Variants in EGF observed in about 807,000 individuals in gnomAD.
EGF encodes epidermal growth factor, also known as pro-epidermal growth factor.
Under a neutral mutation model 143.8 loss-of-function variants are expected in EGF, and 95 were observed. The observed-to-expected ratio is 0.66, with a 90% CI of 0.56 to 0.78. EGF has a LOEUF of 0.78. Ranked by LOEUF, EGF falls within the 30% of genes least tolerant of loss-of-function variation. The probability of loss-of-function intolerance (pLI) is 0.00; values close to 1 mark genes in which losing one functional copy is unlikely to be tolerated. For synonymous variants in EGF, 510 were observed against 510.5 expected, an observed-to-expected ratio of 1.00 and a Z score of 0.01; for missense variants, 1,320 against 1,470.9, an observed-to-expected ratio of 0.90 and a Z score of 1.68.
At chr4:109,941,737 C>T (rs934603587) in intron 2 of EGF, among the ~76,000 whole-genome samples, 3 of 152,086 alleles carry the variant, frequency 2.0e-5, no homozygotes, top group Admixed American at 6.5e-5. Context: ...GCACCTGACA[C>T]GTAGAAAGAA....
intron 7 of EGF, among the ~76,000 whole-genome samples, chr4:109,961,299 G>A (rs1330187543): frequency 6.6e-6 from 1 of 152,088 alleles, no homozygotes; most frequent in African/African-American, 2.4e-5. Context: ...AGGCTGCAGT[G>A]AGCCGAAATC....
chr4:110,002,029 C>T (rs1752634024), intron 21 of EGF: 2 of 985,306 alleles, frequency 2.0e-6, no homozygotes, highest in South Asian at 9.4e-5. Context: ...GTTGCCATGT[C>T]ATACTCAACT....
In EGF at chr4:109,971,186, CA is replaced by C. The variant is rs374160930; in HGVS notation, c.1724+2070del. Among the ~76,000 whole-genome samples the C allele has an allele frequency of 4.1e-3, 629 of 152,220 alleles. 6 individuals carry two copies. The highest frequency in any genetic ancestry group is 0.014 in the African/African-American group (594 of 41,534). Reference sequence around the variant, plus strand: ...ATTGGAACTCAAAGATGGCCATTTGCAAAGCATATTCTCTTAATAGTCATAA... The same window carrying C: ...ATTGGAACTCAAAGATGGCCATTTGCAAGCATATTCTCTTAATAGTCATAA... On this transcript the variant is annotated intron_variant, in intron 11 of 23. Transcript: ENST00000265171.
chr4:109,973,309 T>G (rs1471450793), intron 11 of EGF, among the ~76,000 whole-genome samples: 1 of 152,192 alleles, frequency 6.6e-6, no homozygotes, highest in African/African-American at 2.4e-5. Flanking sequence ...CTTTCTAAAG[T>G]GCAAGTATAA....
Position 109,995,024 on chromosome 4 carries a change from G to A in EGF, c.3005+144G>A, listed in dbSNP as rs11569087. ...ATATAAACATACACATATGAACCACGTGTGTGCACTTCATTGCATGCTCCT... is the reference window on the plus strand; with the variant it reads ...ATATAAACATACACATATGAACCACATGTGTGCACTTCATTGCATGCTCCT... On this transcript the variant is annotated intron_variant, in intron 20 of 23. Coordinates refer to ENST00000265171, the MANE Select transcript of EGF (RefSeq NM_001963.6). 5.6e-3 allele frequency: 5,202 copies of A among 929,970 alleles called. 193 individuals carry two copies. In the African/African-American group the frequency reaches 0.075, roughly 13 times the overall value. The allele number at this position is 929,970 out of a possible 1,614,324, so 57.6% of individuals were successfully genotyped here.
intron 15 of EGF, among the ~76,000 whole-genome samples, 164 bp downstream of exon 15, chr4:109,981,139 G>C (rs1006335067): frequency 6.6e-6 from 1 of 152,124 alleles, no homozygotes; most frequent in Non-Finnish European, 1.5e-5. Context: ...CTTCTGCTGA[G>C]TTTTGAGTTC....
chr4:109,994,676 T>G (rs1751517489), intron 19 of EGF, 57 bp from the exon 20 acceptor site: 3 of 1,582,668 alleles, frequency 1.9e-6, no homozygotes, highest in South Asian at 2.2e-5. Context: ...CTCATATTGA[T>G]ACTTGAAAGA....
intron 13 of EGF, among the ~76,000 whole-genome samples, chr4:109,977,695 G>A (rs1294234900): frequency 6.6e-6 from 1 of 152,094 alleles, no homozygotes; most frequent in Non-Finnish European, 1.5e-5. Flanking sequence ...AAAATTAGCT[G>A]GGCATGGTGG....
At chr4:109,919,951 C>T (rs951602748) in intron 1 of EGF, among the ~76,000 whole-genome samples, 1 of 151,644 alleles carries the variant, frequency 6.6e-6, no homozygotes, top group Non-Finnish European at 1.5e-5. Flanking sequence ...TCAGAATATT[C>T]CCTAGTCAGT....
intron 1 of EGF, among the ~76,000 whole-genome samples, chr4:109,931,414 G>A (rs1175230599): frequency 6.6e-6 from 1 of 152,152 alleles, no homozygotes; most frequent in Non-Finnish European, 1.5e-5. Flanking sequence ...AATTGGCTAC[G>A]CAAAGAAAAT....
chr4:109,997,062 G>A (rs754320577), intron 20 of EGF, among the ~76,000 whole-genome samples: 2 of 151,886 alleles, frequency 1.3e-5, no homozygotes, highest in Admixed American at 6.6e-5. Flanking sequence ...CTGAGCATTC[G>A]GGGAGCAGAG....
chr4:109,964,328 G>A, intron 9 of EGF, 73 bp from the exon 10 acceptor site: 1 of 1,584,254 alleles, frequency 6.3e-7, no homozygotes, highest in South Asian at 1.1e-5. Context: ...ACAGTGAAAG[G>A]GAAGAGTCAG....
At chr4:110,010,705 C>T (rs556066679) in intron 23 of EGF, among the ~76,000 whole-genome samples, 8 of 152,280 alleles carry the variant, frequency 5.3e-5, no homozygotes, top group South Asian at 2.1e-4. Context: ...CCCACTTCAG[C>T]CTCTCAAAGT....
chr4:109,937,241 G>C (rs779144491), intron 1 of EGF, among the ~76,000 whole-genome samples: 1 of 151,918 alleles, frequency 6.6e-6, no homozygotes, highest in Non-Finnish European at 1.5e-5. Context: ...ATATAATTAG[G>C]CTACTTAGTT....
At chr4:109,971,551 A>C (rs1251095824) in intron 11 of EGF, among the ~76,000 whole-genome samples, 3 of 152,168 alleles carry the variant, frequency 2.0e-5, no homozygotes, top group Non-Finnish European at 4.4e-5. Context: ...CCGACTGCAG[A>C]GGCAAGGCGT....
intron 1 of EGF, among the ~76,000 whole-genome samples, chr4:109,920,407 A>G (rs2125933717): frequency 6.6e-6 from 1 of 151,822 alleles, no homozygotes; most frequent in Middle Eastern, 3.4e-3. Flanking sequence ...TTTTTAAGAA[A>G]CAAATCACTT....
At chr4:109,986,103 G>A (rs1279360256) in intron 16 of EGF, among the ~76,000 whole-genome samples, 1 of 152,048 alleles carries the variant, frequency 6.6e-6, no homozygotes, top group Non-Finnish European at 1.5e-5. Flanking sequence ...GTGAACACAG[G>A]CATTTATTTC....
intron 1 of EGF, among the ~76,000 whole-genome samples, chr4:109,919,279 G>T: frequency 7.4e-6 from 1 of 135,998 alleles, no homozygotes; most frequent in African/African-American, 2.8e-5. Context: ...AGGAATGCAT[G>T]CTTCTCTGTC....
chr4:109,987,409 T>C (rs1750288640), intron 16 of EGF, among the ~76,000 whole-genome samples: 1 of 151,962 alleles, frequency 6.6e-6, no homozygotes. Flanking sequence ...TTCTCCTACC[T>C]CAGCCCCCCA....
Sources: allele counts gnomAD v4.1 joint callset (sites outside exome capture counted in the v4.1 genomes callset), GRCh38; gene constraint gnomAD v4.1.1; transcripts MANE v1.5; gene names NCBI Gene and HGNC (gene_info 2026-07-23, HGNC 2026-07-21).